LMCD1: variants seen among roughly 807,000 people sequenced by gnomAD.
LMCD1 encodes LIM and cysteine-rich domains protein 1.
In LMCD1, 32 loss-of-function variants were observed where a neutral mutation model predicts 42.7. That is an observed-to-expected ratio of 0.75 (90% confidence interval 0.57 to 1.01). The LOEUF (loss-of-function observed/expected upper bound fraction) is 1.01, where lower values mean the gene tolerates loss of function less well. LMCD1 is among the 50% of genes least tolerant of loss of function. The pLI is 0.00. For synonymous variants in LMCD1, 178 were observed against 184.9 expected, an observed-to-expected ratio of 0.96 and a Z score of 0.30; for missense variants, 458 against 483.1, an observed-to-expected ratio of 0.95 and a Z score of 0.49.
chr3:8,510,360 A>C (rs2125010911), intron 1 of LMCD1, among the ~76,000 whole-genome samples: 1 of 152,324 alleles, frequency 6.6e-6, no homozygotes, highest in East Asian at 1.9e-4. Flanking sequence ...ATGTGGGCAG[A>C]GGTCAGCATC....
At position 8,571,612 on chromosome 3, in the gene LMCD1, G is replaced by A. The variant is rs1695221527; in HGVS notation, c.*4014G>A. ...GAGAAACGACTGGACTGAGAGAAGA[G>A]CCCACTCCCCTTTATGTAAATTGGC... On this transcript the variant is annotated 3_prime_UTR_variant, in exon 6 of 6. Transcript: ENST00000157600. 2 of 152,244 alleles carry A rather than the reference G, an allele frequency of 1.3e-5. No homozygotes were observed. 9.4% of individuals were successfully genotyped at this position (152,244 alleles called of 1,614,324 possible).
chr3:8,514,517 C>A (rs1377249005), intron 1 of LMCD1, among the ~76,000 whole-genome samples: 2 of 152,022 alleles, frequency 1.3e-5, no homozygotes, highest in East Asian at 3.9e-4. Flanking sequence ...AGGTGTATGT[C>A]CAAAAGAAAG....
chr3:8,534,883 G>C (rs145055637), intron 2 of LMCD1, among the ~76,000 whole-genome samples: 36 of 152,312 alleles, frequency 2.4e-4, no homozygotes, highest in Non-Finnish European at 5.0e-4. Flanking sequence ...TGAAGAGTGT[G>C]AATAAAAGGA....
intron 4 of LMCD1, among the ~76,000 whole-genome samples, chr3:8,557,630 A>G (rs1382208898): frequency 1.3e-5 from 2 of 152,106 alleles, no homozygotes; most frequent in Non-Finnish European, 2.9e-5. Flanking sequence ...ACCCTTGGCC[A>G]TTGTCCCGAG....
At chr3:8,502,410 TATA>T (rs1693776339) in intron 1 of LMCD1, among the ~76,000 whole-genome samples, 1 of 100,094 alleles carries the variant, frequency 1.0e-5, no homozygotes, top group Non-Finnish European at 1.9e-5. Flanking sequence ...ATATATAATA[TATA>T]ATATATATAT....
At chr3:8,534,287 G>A (rs1422661132) in intron 2 of LMCD1, among the ~76,000 whole-genome samples, 1 of 151,884 alleles carries the variant, frequency 6.6e-6, no homozygotes, top group Non-Finnish European at 1.5e-5. Flanking sequence ...ATCTGAAAAT[G>A]ATCATTTGGT....
At chr3:8,549,781 G>A (rs889911379) in intron 4 of LMCD1, 13 of 701,888 alleles carry the variant, frequency 1.9e-5, no homozygotes, top group Non-Finnish European at 2.9e-5. Context: ...CTTCTTCCTG[G>A]TGAGCACTCT....
intron 1 of LMCD1, among the ~76,000 whole-genome samples, chr3:8,509,391 C>G (rs1399937070): frequency 6.6e-6 from 1 of 152,160 alleles, no homozygotes. Flanking sequence ...TTGGTCGCTA[C>G]CCTTTCCATA....
At chr3:8,543,241 G>A (rs1053446697) in intron 3 of LMCD1, among the ~76,000 whole-genome samples, 21 of 152,296 alleles carry the variant, frequency 1.4e-4, no homozygotes, top group African/African-American at 4.6e-4. Flanking sequence ...GCCTGCCCTC[G>A]CCTGTTGGCC....
At chr3:8,534,539 A>T (rs1694476699) in intron 2 of LMCD1, among the ~76,000 whole-genome samples, 1 of 152,226 alleles carries the variant, frequency 6.6e-6, no homozygotes, top group Non-Finnish European at 1.5e-5. Flanking sequence ...ATTAGACTCA[A>T]ATTGAAGCAG....
chr3:8,519,877 T>C (rs1694168550), intron 1 of LMCD1, among the ~76,000 whole-genome samples: 1 of 152,030 alleles, frequency 6.6e-6, no homozygotes, highest in Non-Finnish European at 1.5e-5. Flanking sequence ...CCAATGTTGG[T>C]TGAAGGAAAT....
intron 4 of LMCD1, among the ~76,000 whole-genome samples, chr3:8,562,585 AGG>A (rs1695059322): frequency 6.6e-6 from 1 of 152,086 alleles, no homozygotes; most frequent in Admixed American, 6.5e-5. Flanking sequence ...TCCTATCCAG[AGG>A]ATTGCTGTGA....
intron 2 of LMCD1, among the ~76,000 whole-genome samples, chr3:8,535,819 C>T (rs1265024515): frequency 6.6e-6 from 1 of 152,230 alleles, no homozygotes; most frequent in East Asian, 1.9e-4. Flanking sequence ...GGGTTCCCAA[C>T]CTCTCAGCAC....
At chr3:8,559,406 T>C (rs1202174906) in intron 4 of LMCD1, among the ~76,000 whole-genome samples, 1 of 123,278 alleles carries the variant, frequency 8.1e-6, no homozygotes, top group Non-Finnish European at 1.7e-5. Flanking sequence ...AATTCCATTA[T>C]GTCATTTAAC....
At chr3:8,503,323 C>A (rs1693804902) in intron 1 of LMCD1, among the ~76,000 whole-genome samples, 1 of 152,192 alleles carries the variant, frequency 6.6e-6, no homozygotes, top group Non-Finnish European at 1.5e-5. Context: ...CTGCCCAGAC[C>A]CTGTCACAGA....
chr3:8,502,413 A>AAAAATTC (rs1693776972), intron 1 of LMCD1, among the ~76,000 whole-genome samples: 2 of 97,360 alleles, frequency 2.1e-5, no homozygotes, highest in East Asian at 5.3e-4. Context: ...TATAATATAT[A>AAAAATTC]ATATATATAT....
chr3:8,549,777 C>T lies in LMCD1; in HGVS notation c.723+874C>T, dbSNP rs1040120745. On this transcript the variant is annotated intron_variant, in intron 4 of 5. Coordinates refer to ENST00000157600, the MANE Select transcript of LMCD1 (RefSeq NM_014583.4). ...GGCTGCATCTGGTGAGGGACTTCTT[C>T]CTGGTGAGCACTCTCTGCAGAGTCC... 5.7e-6 allele frequency: 4 copies of T among 701,496 alleles called. No individual in the cohort carries two copies. The Admixed American group carries it at 8.0e-5, about 14-fold the overall frequency. The allele number at this position is 701,496 out of a possible 1,614,324, so 43.5% of individuals were successfully genotyped here. A position where few individuals can be genotyped will look rare whatever the true frequency, so the allele number is the denominator to read the frequency against.
chr3:8,565,791 A>G, intron 5 of LMCD1, 144 bp downstream of exon 5: 2 of 767,038 alleles, frequency 2.6e-6, no homozygotes, highest in East Asian at 5.4e-5. Context: ...CATGCTCTCA[A>G]CCTTCATTTT....
chr3:8,565,861 C>G (rs577614983), intron 5 of LMCD1, among the ~76,000 whole-genome samples: 21 of 152,324 alleles, frequency 1.4e-4, no homozygotes, highest in Admixed American at 5.2e-4. Flanking sequence ...GACACAGTGC[C>G]GGTGAATCTT....
Sources: gnomAD v4.1 joint callset for allele counts (sites outside exome capture counted in the v4.1 genomes callset) on GRCh38, gnomAD v4.1.1 for gene constraint, MANE v1.5 for transcripts, NCBI Gene and HGNC (gene_info 2026-07-23, HGNC 2026-07-21) for gene names.